HNRNPU: variants seen among roughly 807,000 people sequenced by gnomAD.
The protein encoded by HNRNPU is HNRNPU antisense RNA 1.
Under a neutral mutation model 94.7 loss-of-function variants are expected in HNRNPU, and 5 were observed. The ratio of observed to expected loss-of-function variants is 0.05; its 90% confidence interval spans 0.03 to 0.11. The LOEUF (loss-of-function observed/expected upper bound fraction) is 0.11. HNRNPU is among the 10% of genes least tolerant of loss of function. The probability of loss-of-function intolerance (pLI) is 1.00; values close to 1 mark genes in which losing one functional copy is unlikely to be tolerated. For missense variants in HNRNPU, 710 were observed against 1,049.2 expected, an observed-to-expected ratio of 0.68 and a Z score of 4.47; for synonymous variants, 434 against 381.6, an observed-to-expected ratio of 1.14 and a Z score of -1.60.
intron 6 of HNRNPU, chr1:244,858,523 G>C (rs1041571601): frequency 1.6e-6 from 1 of 606,172 alleles, no homozygotes; most frequent in Non-Finnish European, 2.9e-6. Flanking sequence ...CATGTTCACT[G>C]TTTTCAGTCA....
At position 244,855,510 on chromosome 1, in the gene HNRNPU, C is replaced by T; in HGVS notation, c.2266G>A (p.Ala756Thr). The T allele has an allele frequency of 6.2e-7, 1 of 1,614,046 alleles. No homozygotes were observed. The highest frequency in any genetic ancestry group is 8.5e-7 in the Non-Finnish European group (1 of 1,179,944). ...CTACCACGGCCAGGAAAAACAGGGG[C>T]ACGAGGGTATGGATAGCCGATTCCA... ...SGGIGYPYPR[A>T]PVFPGRGSYS... The change falls in exon 12 of 14, where the codon GCC becomes ACC. Residue 756 changes from alanine (A) to threonine (T), a missense_variant. Transcript: ENST00000640218.
In HNRNPU at chr1:244,858,258, T is replaced by A; in HGVS notation, c.1247A>T (p.Glu416Val). 6.2e-7 allele frequency: 1 copy of A among 1,613,624 alleles called. No homozygotes were observed. The highest frequency in any genetic ancestry group is 8.5e-7 in the Non-Finnish European group (1 of 1,179,738). Residue 416 changes from glutamate to valine, a missense_variant, in exon 7 of 14, where the codon GAA becomes GTA. Transcript: ENST00000640218. The part of the protein sequence containing the change: ...ITCFANFESD[E>V]VELSYAKNGQ... ...ATTCTTAGCATACGAGAGTTCTACT[T>A]CATCACTTTCAAAGTTCTGTTACAC...
Position 244,864,206 on chromosome 1 carries a change from G to A in HNRNPU, c.102C>T (p.Leu34=). The change falls in exon 1 of 14, where the codon CTC becomes CTT. Residue 34 remains leucine, a synonymous_variant. Coordinates refer to ENST00000640218, the MANE Select transcript of HNRNPU (RefSeq NM_031844.3). The part of the protein sequence containing the change: ...RLSDKGLKAE[L]MERLQAALDD... The stretch of plus-strand genomic sequence containing the variant: ...CCAGCGCAGCCTGGAGTCGCTCCAT[G>A]AGCTCGGCCTTGAGACCCTTGTCAG... 6.2e-7 allele frequency: 1 copy of A among 1,611,670 alleles called. No individual in the cohort carries two copies. The highest frequency in any genetic ancestry group is 1.1e-5 in the South Asian group (1 of 90,790).
rs1266491720 is a variant in HNRNPU, at chr1:244,862,641, T to C, written c.781A>G (p.Ile261Val). 2.5e-6 allele frequency: 4 copies of C among 1,613,734 alleles called. No homozygotes were observed. Among genetic ancestry groups the C allele is most frequent in the South Asian group, 1.1e-5 (1 of 91,062 alleles). Residue 261 changes from isoleucine (I) to valine (V), a missense_variant, in exon 2 of 14, where the codon ATT becomes GTT. Ile to Val is a conservative substitution (Grantham distance 29). Coordinates refer to ENST00000640218, the MANE Select transcript of HNRNPU (RefSeq NM_031844.3). ...EDHGRGYFEY[I>V]EENKYSRAKS... ...TACCTGCTATACTTGTTCTCTTCAA[T>C]GTACTCAAAATATCCACGGCCATGA... is the stretch of plus-strand genomic sequence containing the variant.
intron 11 of HNRNPU, 80 bp from the exon 12 acceptor site, chr1:244,855,688 T>C: frequency 1.4e-6 from 2 of 1,440,552 alleles, no homozygotes; most frequent in Non-Finnish European, 1.9e-6. Flanking sequence ...TCTAGATTGT[T>C]CCTTTTTCTC....
rs1573336333 is a variant in HNRNPU, at chr1:244,863,044, G to A, written c.692-314C>T. 7 of 323,724 alleles carry A rather than the reference G, an allele frequency of 2.2e-5. 1 individual carries two copies. In the East Asian group the frequency reaches 4.7e-4, roughly 22 times the overall value. 20.1% of individuals were successfully genotyped at this position (323,724 alleles called of 1,614,324 possible). ...AGGGGGAGGGGCCGAGCCCGGCGCG[G>A]CGGCGCTCCCCTCCCCCGCGGGCCC... is the stretch of plus-strand genomic sequence containing the variant. On this transcript the variant is annotated intron_variant, in intron 1 of 13. Coordinates refer to ENST00000640218, the MANE Select transcript of HNRNPU (RefSeq NM_031844.3).
Position 244,856,112 on chromosome 1 carries a change from G to C in HNRNPU, c.1959C>G (p.Thr653=). 2 of 1,613,494 alleles carry C rather than the reference G, an allele frequency of 1.2e-6. 1 individual carries two copies. Among genetic ancestry groups the C allele is most frequent in the South Asian group, 2.2e-5 (2 of 91,028 alleles). ...PEVAECFDEI[T]YVELQKEEAQ... is the part of the protein sequence containing the mutation. ...CTTCTTCCTTCTGAAGTTCAACATA[G>C]GTTATTTCATCAAAGCACTCAGCTA... The change falls in exon 11 of 14, where the codon ACC becomes ACG. Residue 653 remains threonine (T), a synonymous_variant. Transcript: ENST00000640218.
rs1181428021 is a variant in HNRNPU, at chr1:244,852,487, T to C, written c.*1963A>G. On this transcript the variant is annotated 3_prime_UTR_variant, in exon 14 of 14. Transcript: ENST00000640218. ...CTTTAGGACACAACACTGATTAGCA[T>C]CAAAACCTGAAACTGTTCCTCTAGT... 2 of 152,176 alleles carry C rather than the reference T, an allele frequency of 1.3e-5. No homozygotes were observed. Among genetic ancestry groups the C allele is most frequent in the African/African-American group, 2.4e-5 (1 of 41,450 alleles). 9.4% of individuals were successfully genotyped at this position (152,176 alleles called of 1,614,324 possible). A position where few individuals can be genotyped will look rare whatever the true frequency, so the allele number is the denominator to read the frequency against.
In HNRNPU at chr1:244,857,783, T is replaced by A. The variant is rs532076859; in HGVS notation, c.1495-66A>T. Reference sequence around the variant, plus strand: ...CACCACCTAATAATTCTTTAAATATTGTTAAGGCCAATTTAAATATCTAAG... The same window carrying A: ...CACCACCTAATAATTCTTTAAATATAGTTAAGGCCAATTTAAATATCTAAG... On this transcript the variant is annotated intron_variant, in intron 7 of 13. Coordinates refer to ENST00000640218, the MANE Select transcript of HNRNPU (RefSeq NM_031844.3). 2.0e-5 allele frequency: 31 copies of A among 1,542,942 alleles called. 1 individual carries two copies. The East Asian group carries it at 7.0e-4, about 35-fold the overall frequency.
Position 244,860,487 on chromosome 1 carries a change from C to A in HNRNPU, c.878-13G>T, listed in dbSNP as rs115293649. The A allele has an allele frequency of 6.8e-5, 107 of 1,581,920 alleles. No homozygotes were observed. In the African/African-American group the frequency reaches 6.9e-4, roughly 10 times the overall value. On this transcript the variant is annotated splice_polypyrimidine_tract_variant and intron_variant, in intron 3 of 13. Transcript: ENST00000640218. ...AGATCACAATTATCTGTAATTATAT[C>A]AAATACTGTGTTACTTTTGACATCC...
chr1:244,852,789 T>C lies in HNRNPU; in HGVS notation c.*1661A>G, dbSNP rs915962094. Reference sequence around the variant, plus strand: ...ACAAAATTCTAAGCAATCAGAAATATAGCAAACCTAAACTTACCAAAGCAA... The same window carrying C: ...ACAAAATTCTAAGCAATCAGAAATACAGCAAACCTAAACTTACCAAAGCAA... On this transcript the variant is annotated 3_prime_UTR_variant, in exon 14 of 14. Coordinates refer to ENST00000640218, the MANE Select transcript of HNRNPU (RefSeq NM_031844.3). 5.3e-5 allele frequency: 8 copies of C among 152,318 alleles called. No homozygotes were observed. The highest frequency in any genetic ancestry group is 3.9e-4 in the Admixed American group (6 of 15,268). 9.4% of individuals were successfully genotyped at this position (152,318 alleles called of 1,614,324 possible).
chr1:244,852,304 TTC>T lies in HNRNPU; in HGVS notation c.*2144_*2145del, dbSNP rs1377587426. On this transcript the variant is annotated 3_prime_UTR_variant, in exon 14 of 14. Coordinates refer to ENST00000640218, the MANE Select transcript of HNRNPU (RefSeq NM_031844.3). ...TTTTTCTGGGTGCCATTTTTATCTATTCTCTCTCCCCCCAAATTCTCTGGGCT... is the reference window on the plus strand; with the variant it reads ...TTTTTCTGGGTGCCATTTTTATCTATTCTCTCCCCCCAAATTCTCTGGGCT... The T allele has an allele frequency of 4.6e-5, 7 of 152,204 alleles. No individual in the cohort carries two copies. The highest frequency in any genetic ancestry group is 1.9e-4 in the East Asian group (1 of 5,204). The allele number at this position is 152,204 out of a possible 1,614,324, so 9.4% of individuals were successfully genotyped here.
chr1:244,851,543 T>G lies in HNRNPU; in HGVS notation c.*2907A>C, dbSNP rs1355403994. On this transcript the variant is annotated 3_prime_UTR_variant, in exon 14 of 14. Transcript: ENST00000640218. ...TATGGTTATGTTTCCTAGAATAATT[T>G]TATAACTTTTTCAGAGAATTCCTTT... is the stretch of plus-strand genomic sequence containing the variant. 2 of 152,232 alleles carry G rather than the reference T, an allele frequency of 1.3e-5. No homozygotes were observed. Among genetic ancestry groups the G allele is most frequent in the Admixed American group, 1.3e-4 (2 of 15,280 alleles). 9.4% of individuals were successfully genotyped at this position (152,232 alleles called of 1,614,324 possible).
At chr1:244,857,001 G>T in intron 8 of HNRNPU, 145 bp from the exon 9 acceptor site, 1 of 671,206 alleles carries the variant, frequency 1.5e-6, no homozygotes, top group South Asian at 2.1e-5. Context: ...ACAAAAACAG[G>T]GTCACTTAAA....
At position 244,851,323 on chromosome 1, in the gene HNRNPU, A is replaced by C. The variant is rs1457214992; in HGVS notation, c.*3127T>G. The stretch of plus-strand genomic sequence containing the variant: ...CAAGATGTCTACACCACTGCCTAAG[A>C]AGCTATTAAAATATTTGTATTTGTG... On this transcript the variant is annotated 3_prime_UTR_variant, in exon 14 of 14. Transcript: ENST00000640218. The C allele has an allele frequency of 6.6e-6, 1 of 152,244 alleles. No individual in the cohort carries two copies. Among genetic ancestry groups the C allele is most frequent in the African/African-American group, 2.4e-5 (1 of 41,464 alleles). 9.4% of individuals were successfully genotyped at this position (152,244 alleles called of 1,614,324 possible). A position where few individuals can be genotyped will look rare whatever the true frequency, so the allele number is the denominator to read the frequency against.
rs778945228 is a variant in HNRNPU at position 244,855,597 on chromosome 1, G to A, written c.2179C>T (p.Arg727Cys). 3.1e-6 allele frequency: 5 copies of A among 1,613,646 alleles called. No homozygotes were observed. The African/African-American group carries it at 4.0e-5, about 13-fold the overall frequency. The change falls in exon 12 of 14, where the codon CGT becomes TGT. Residue 727 changes from arginine to cysteine, a missense_variant. This residue lies in a region of HNRNPU where 152 missense variants were observed against 238.9 expected (regional missense o/e 0.64). Coordinates refer to ENST00000640218, the MANE Select transcript of HNRNPU (RefSeq NM_031844.3). ...TTGCCCCTCCTATTATATCCGCCAC[G>A]ATTCCCAGGGGCTAAAAGACAAGAG... ...GNFRGGAPGN[R>C]GGYNRRGNMP...
rs1680684663 is a variant in HNRNPU at position 244,856,509 on chromosome 1, T to C, written c.1860A>G (p.Lys620=). ...GTAGGTCTTTCCCCTCTACTTCTGC[T>C]TTCTTCTGTGTTCTTTGCTTATAGT... ...DEDYKQRTQK[K]AEVEGKDLPE... is the part of the protein sequence containing the mutation. The change falls in exon 10 of 14, where the codon AAA becomes AAG. Residue 620 remains lysine, a synonymous_variant. Coordinates refer to ENST00000640218, the MANE Select transcript of HNRNPU (RefSeq NM_031844.3). 1 of 1,614,110 alleles carries C rather than the reference T, an allele frequency of 6.2e-7. No individual in the cohort carries two copies. Among genetic ancestry groups the C allele is most frequent in the Non-Finnish European group, 8.5e-7 (1 of 1,179,984 alleles).
intron 5 of HNRNPU, 127 bp from the exon 6 acceptor site, chr1:244,858,968 A>G: frequency 1.6e-6 from 1 of 607,978 alleles, no homozygotes; most frequent in Non-Finnish European, 2.9e-6. Context: ...CACTGACACT[A>G]TTACTTTTCT....
intron 3 of HNRNPU, chr1:244,861,230 T>C (rs968783459): frequency 2.6e-5 from 4 of 152,184 alleles, no homozygotes; most frequent in Admixed American, 6.5e-5. Flanking sequence ...GAAAAATAAA[T>C]CTACAGTTTG....
Sources: allele counts gnomAD v4.1 joint callset, GRCh38; gene constraint gnomAD v4.1.1; regional missense constraint gnomAD v4.1.1; transcripts MANE v1.5; gene names NCBI Gene and HGNC (gene_info 2026-07-23, HGNC 2026-07-21).